ZNF623: variants seen among roughly 807,000 people sequenced by gnomAD.
The protein encoded by ZNF623 is zinc finger protein 623.
In ZNF623, 16 loss-of-function variants were observed where a neutral mutation model predicts 24.0. That is an observed-to-expected ratio of 0.67 (90% CI 0.45 to 1.01). ZNF623 has a LOEUF of 1.01. Among genes scored for constraint, ZNF623 ranks in the 50% least tolerant of loss-of-function variants. The pLI, the probability that ZNF623 is intolerant of heterozygous loss-of-function variation, is 0.00. For synonymous variants in ZNF623, 224 were observed against 219.8 expected (o/e 1.02, Z -0.17); for missense variants, 566 against 606.5 (o/e 0.93, Z 0.70).
chr8:143,646,812 G>A (rs1815185778), intron 1 of ZNF623, among the ~76,000 whole-genome samples: 1 of 152,028 alleles, frequency 6.6e-6, no homozygotes, highest in Admixed American at 6.6e-5. Context: ...CCACAGGTGT[G>A]CTACCTTGCC....
At chr8:143,645,640 C>T (rs922678355) in intron 1 of ZNF623, among the ~76,000 whole-genome samples, 2 of 152,166 alleles carry the variant, frequency 1.3e-5, no homozygotes, top group Non-Finnish European at 2.9e-5. Context: ...GCTGGGAGCA[C>T]CATGTGTGGA....
At chr8:143,646,161 C>A (rs1264384431) in intron 1 of ZNF623, among the ~76,000 whole-genome samples, 1 of 151,902 alleles carries the variant, frequency 6.6e-6, no homozygotes, top group Non-Finnish European at 1.5e-5. Flanking sequence ...CCTGACTTAG[C>A]CTCCCAAATA....
intron 1 of ZNF623, among the ~76,000 whole-genome samples, chr8:143,641,138 T>G (rs912466734): frequency 6.6e-6 from 1 of 152,090 alleles, no homozygotes; most frequent in Non-Finnish European, 1.5e-5. Flanking sequence ...GGAATCAGGT[T>G]TTTCCAAAAT....
At chr8:143,639,125 C>T (rs1814990724) in intron 1 of ZNF623, among the ~76,000 whole-genome samples, 1 of 152,164 alleles carries the variant, frequency 6.6e-6, no homozygotes, top group African/African-American at 2.4e-5. Flanking sequence ...CTCCTGACCT[C>T]AGGTGATCTG....
intron 1 of ZNF623, among the ~76,000 whole-genome samples, chr8:143,647,401 G>A (rs1815201071): frequency 6.6e-6 from 1 of 151,808 alleles, no homozygotes; most frequent in South Asian, 2.1e-4. Context: ...TGACCTCGTG[G>A]TCCGCCCGCC....
At chr8:143,648,818 C>T (rs1815228257) in intron 1 of ZNF623, among the ~76,000 whole-genome samples, 1 of 152,066 alleles carries the variant, frequency 6.6e-6, no homozygotes, top group Non-Finnish European at 1.5e-5. Flanking sequence ...CTGATTTCTT[C>T]TGTTTTCTCA....
Position 143,651,549 on chromosome 8 carries a change from C to A in ZNF623, c.*66C>A. The A allele has an allele frequency of 6.6e-7, 1 of 1,513,656 alleles. No homozygotes were observed. Among genetic ancestry groups the A allele is most frequent in the Non-Finnish European group, 8.8e-7 (1 of 1,130,878 alleles). 93.8% of individuals were successfully genotyped at this position (1,513,656 alleles called of 1,614,324 possible). A position where few individuals can be genotyped will look rare whatever the true frequency, so the allele number is the denominator to read the frequency against. On this transcript the variant is annotated 3_prime_UTR_variant, in exon 2 of 2. Transcript: ENST00000526926. ...CGTGGAATTAGGATTCATGTGGTTT[C>A]TAAGATTTGGACATGTCAGAATTTT...
At chr8:143,642,008 TTTC>T (rs1262201913) in intron 1 of ZNF623, among the ~76,000 whole-genome samples, 2 of 152,226 alleles carry the variant, frequency 1.3e-5, no homozygotes, top group Non-Finnish European at 2.9e-5. Flanking sequence ...AGCCTGTCCT[TTTC>T]AATCTTTGAA....
chr8:143,651,421 AAG>A lies in ZNF623; in HGVS notation c.1430_1431del (p.Lys477SerfsTer7). 6.2e-7 allele frequency: 1 copy of A among 1,612,520 alleles called. No homozygotes were observed. The highest frequency in any genetic ancestry group is 8.5e-7 in the Non-Finnish European group (1 of 1,179,452). On this transcript the variant is annotated frameshift_variant, in exon 2 of 2. Transcript: ENST00000526926. LOFTEE classifies it high-confidence loss of function. ...RVHQEGLSLSKAPIHLGERSV... is the reference protein window; with the variant it reads ...RVHQEGLSLSXAPIHLGERSV... ...TCACCAAGAGGGACTCTCCTTGAGT[AAG>A]GCCCCCATACATTTGGGTGAGAGGT...
In ZNF623 at chr8:143,651,206, A is replaced by G. The variant is rs1373170478; in HGVS notation, c.1214A>G (p.Lys405Arg). The G allele has an allele frequency of 2.5e-6, 4 of 1,614,084 alleles. No homozygotes were observed. Among genetic ancestry groups the G allele is most frequent in the Non-Finnish European group, 3.4e-6 (4 of 1,180,044 alleles). ...GGGAAAGCCTTCATCCAGAGCTCCAAGCTGCTTCTGCACCAGATTATTCAC... is the reference window on the plus strand; with the variant it reads ...GGGAAAGCCTTCATCCAGAGCTCCAGGCTGCTTCTGCACCAGATTATTCAC... ...DCGKAFIQSSKLLLHQIIHTG... is the reference protein window; with the variant it reads ...DCGKAFIQSSRLLLHQIIHTG... Residue 405 changes from lysine (K) to arginine (R), a missense_variant, in exon 2 of 2, where the codon AAG becomes AGG. By Grantham distance (26) the Lys-to-Arg change is conservative. Transcript: ENST00000526926.
At position 143,636,156 on chromosome 8, in the gene ZNF623, C is replaced by T. The variant is rs908413176; in HGVS notation, c.-96+11C>T. 1 of 152,064 alleles carries T rather than the reference C, an allele frequency of 6.6e-6. No homozygotes were observed. The highest frequency in any genetic ancestry group is 2.1e-4 in the South Asian group (1 of 4,832). The allele number at this position is 152,064 out of a possible 1,614,324, so 9.4% of individuals were successfully genotyped here. ...CCCCGCCCGCGCCGGGTGAGTGGCGCGTTCCGGACGGGGGCGGGCAACGCC... is the reference window on the plus strand; with the variant it reads ...CCCCGCCCGCGCCGGGTGAGTGGCGTGTTCCGGACGGGGGCGGGCAACGCC... On this transcript the variant is annotated intron_variant, in intron 1 of 1. Transcript: ENST00000526926.
intron 1 of ZNF623, among the ~76,000 whole-genome samples, chr8:143,644,195 A>G (rs1053276458): frequency 6.6e-6 from 1 of 151,914 alleles, no homozygotes; most frequent in African/African-American, 2.4e-5. Flanking sequence ...TAATTTTTGT[A>G]TTTTTAGTAG....
rs1340811242 is a variant in ZNF623 at position 143,650,664 on chromosome 8, G to A, written c.672G>A (p.Glu224=). 15 of 1,613,896 alleles carry A rather than the reference G, an allele frequency of 9.3e-6. No individual in the cohort carries two copies. The highest frequency in any genetic ancestry group is 1.3e-5 in the Non-Finnish European group (15 of 1,179,996). The part of the protein sequence containing the change: ...QRIHTGERPY[E]CNECGKSFIR... ...TTCACACGGGAGAAAGGCCCTATGA[G>A]TGCAATGAATGTGGGAAATCCTTCA... The change falls in exon 2 of 2, where the codon GAG becomes GAA. Residue 224 remains glutamate (E), a synonymous_variant. Coordinates refer to ENST00000526926, the MANE Select transcript of ZNF623 (RefSeq NM_001261843.2). This position sits in a 1 kb window ranked among gnomAD's most constrained non-coding sequence, Gnocchi z 5.2.
At chr8:143,644,946 C>T (rs1204825829) in intron 1 of ZNF623, among the ~76,000 whole-genome samples, 8 of 149,152 alleles carry the variant, frequency 5.4e-5, no homozygotes, top group South Asian at 2.1e-4. Context: ...CTAACCAACA[C>T]GGAGAAACCC....
chr8:143,643,053 G>T (rs545103244), intron 1 of ZNF623, among the ~76,000 whole-genome samples: 2 of 152,214 alleles, frequency 1.3e-5, no homozygotes, highest in African/African-American at 4.8e-5. Flanking sequence ...GGAAGCAGAG[G>T]TTCCTCCATC....
At chr8:143,638,772 A>C (rs35724426) in intron 1 of ZNF623, among the ~76,000 whole-genome samples, 155 of 151,968 alleles carry the variant, frequency 1.0e-3, no homozygotes, top group African/African-American at 3.7e-3. Context: ...ATATATATAT[A>C]TCAAATAAAA....
intron 1 of ZNF623, among the ~76,000 whole-genome samples, chr8:143,645,211 A>G (rs1815146354): frequency 6.6e-6 from 1 of 152,090 alleles, no homozygotes; most frequent in African/African-American, 2.4e-5. Context: ...TGGGAGGCCA[A>G]GGCGGGCGGA....
Position 143,650,293 on chromosome 8 carries a change from C to G in ZNF623, c.301C>G (p.His101Asp). ...CACGTTTAATTCGGACCTAGTTAGGCATCGGATTTCGCATGCTGGGGAGAA... is the reference window on the plus strand; with the variant it reads ...CACGTTTAATTCGGACCTAGTTAGGGATCGGATTTCGCATGCTGGGGAGAA... ...TFTFNSDLVR[H>D]RISHAGEKPY... The change falls in exon 2 of 2, where the codon CAT (histidine) becomes GAT (aspartate). Residue 101 changes from histidine (H) to aspartate (D), a missense_variant. By Grantham distance (81) the His-to-Asp change is moderately conservative. Coordinates refer to ENST00000526926, the MANE Select transcript of ZNF623 (RefSeq NM_001261843.2). The surrounding 1 kb of genome is among the most constrained non-coding windows in gnomAD (Gnocchi z 5.2). 1 of 1,614,224 alleles carries G rather than the reference C, an allele frequency of 6.2e-7. No individual in the cohort carries two copies. The highest frequency in any genetic ancestry group is 8.5e-7 in the Non-Finnish European group (1 of 1,180,038).
At chr8:143,637,354 T>C (rs1814948177) in intron 1 of ZNF623, among the ~76,000 whole-genome samples, 1 of 152,096 alleles carries the variant, frequency 6.6e-6, no homozygotes, top group South Asian at 2.1e-4. Context: ...TCCTGTTAAT[T>C]TCTTCAGGCT....
Sources: allele counts gnomAD v4.1 joint callset (sites outside exome capture counted in the v4.1 genomes callset), GRCh38; gene constraint gnomAD v4.1.1; non-coding constraint Gnocchi (gnomAD v3.1); transcripts MANE v1.5; gene names NCBI Gene and HGNC (gene_info 2026-07-23, HGNC 2026-07-21).